The following GYPC variants were observed in gnomAD, a reference collection of about 807,000 sequenced individuals.
The protein encoded by GYPC is glycophorin-C.
A neutral mutation model predicts 12.6 loss-of-function variants in GYPC; 14 were observed. The observed-to-expected ratio is 1.11, with a 90% CI of 0.74 to 1.74. GYPC has a LOEUF of 1.74. GYPC is among the 40% of genes most tolerant of loss of function. The probability of loss-of-function intolerance (pLI) is 0.00; values close to 1 mark genes in which losing one functional copy is unlikely to be tolerated. For missense variants in GYPC, 225 were observed against 172.1 expected (o/e 1.31, Z -1.72); for synonymous variants, 78 against 62.1 (o/e 1.26, Z -1.20).
chr2:126,663,238 T>A (rs576129062), intron 1 of GYPC, among the ~76,000 whole-genome samples: 18 of 152,234 alleles, frequency 1.2e-4, no homozygotes, highest in Admixed American at 3.3e-4. Context: ...TGGTTTCACC[T>A]TGTTGGCCAG....
chr2:126,673,360 C>T (rs1682904633), intron 1 of GYPC, among the ~76,000 whole-genome samples: 1 of 152,172 alleles, frequency 6.6e-6, no homozygotes, highest in African/African-American at 2.4e-5. Flanking sequence ...TTTCTTATCC[C>T]TCTGTCCTCA....
At position 126,656,209 on chromosome 2, in the gene GYPC, G is replaced by T. The variant is rs768360363; in HGVS notation, c.-55G>T. 50 of 1,557,266 alleles carry T rather than the reference G, an allele frequency of 3.2e-5. No individual in the cohort carries two copies. Among genetic ancestry groups the T allele is most frequent in the Non-Finnish European group, 4.2e-5 (49 of 1,154,584 alleles). On this transcript the variant is annotated 5_prime_UTR_variant, in exon 1 of 4. Transcript: ENST00000259254. ...CGGGAGCGCGACCCTCCCCCGGCCC[G>T]GCCTGGCCCGGCCTGGCCAGTCCCC...
intron 1 of GYPC, chr2:126,658,106 A>G (rs1156918553): frequency 1.3e-5 from 2 of 152,342 alleles, no homozygotes; most frequent in East Asian, 1.9e-4. Context: ...TTGCCCTTGG[A>G]TGGAAGGGGT....
At chr2:126,673,050 G>A (rs190242058) in intron 1 of GYPC, among the ~76,000 whole-genome samples, 2 of 152,056 alleles carry the variant, frequency 1.3e-5, no homozygotes, top group Admixed American at 1.3e-4. Context: ...CTAATACCCA[G>A]AAGGGTATTG....
intron 1 of GYPC, among the ~76,000 whole-genome samples, chr2:126,674,928 C>A (rs973113745): frequency 3.9e-5 from 6 of 152,250 alleles, no homozygotes; most frequent in Admixed American, 1.3e-4. Flanking sequence ...ATATTTGGGA[C>A]ATACTTGTAT....
At chr2:126,671,228 C>T (rs1042648368) in intron 1 of GYPC, among the ~76,000 whole-genome samples, 10 of 152,206 alleles carry the variant, frequency 6.6e-5, no homozygotes, top group African/African-American at 2.4e-4. Flanking sequence ...CTCTCTCCTG[C>T]CCTCCTCCTA....
chr2:126,686,578 C>T, intron 1 of GYPC: 4 of 981,072 alleles, frequency 4.1e-6, no homozygotes, highest in Non-Finnish European at 4.8e-6. Context: ...CAGTGCCAGG[C>T]ACCCAGTCTA....
intron 1 of GYPC, among the ~76,000 whole-genome samples, chr2:126,662,883 C>T (rs1243738402): frequency 6.6e-6 from 1 of 152,148 alleles, no homozygotes; most frequent in Non-Finnish European, 1.5e-5. Flanking sequence ...CTCCCCACTG[C>T]CCTGCTCCCT....
rs1300495257 is a variant in GYPC at position 126,666,981 on chromosome 2, G to GCCAAAAA, written c.49+10669_49+10670insCCAAAAA. Among the ~76,000 whole-genome samples, 4 of 152,190 alleles carry GCCAAAAA rather than the reference G, an allele frequency of 2.6e-5. No homozygotes were observed. In the East Asian group the frequency reaches 7.7e-4, roughly 29 times the overall value. On this transcript the variant is annotated intron_variant, in intron 1 of 3. Transcript: ENST00000259254. Reference sequence around the variant, plus strand: ...CCTACAACATCTTTTGGCCTTGGGTGTTAGGTGCCACATGCTTTTGAAACT... The same window carrying GCCAAAAA: ...CCTACAACATCTTTTGGCCTTGGGTGCCAAAAATTAGGTGCCACATGCTTTTGAAACT...
chr2:126,695,841 G>A, intron 3 of GYPC, 105 bp from the exon 4 acceptor site: 1 of 844,196 alleles, frequency 1.2e-6, no homozygotes, highest in African/African-American at 1.7e-5. Flanking sequence ...TCTTTTGGTT[G>A]TGGCATTGTA....
intron 1 of GYPC, among the ~76,000 whole-genome samples, chr2:126,660,087 T>G (rs972495280): frequency 3.3e-5 from 5 of 152,232 alleles, no homozygotes; most frequent in Middle Eastern, 3.2e-3. Flanking sequence ...CACAGGCAAC[T>G]GAGGCCAACC....
At chr2:126,684,380 C>T (rs1046449405) in intron 1 of GYPC, among the ~76,000 whole-genome samples, 1 of 152,086 alleles carries the variant, frequency 6.6e-6, no homozygotes, top group African/African-American at 2.4e-5. Flanking sequence ...GTCCCTGGAG[C>T]CCATGGTGAT....
In GYPC at chr2:126,678,049, T is replaced by G. The variant is rs533944716; in HGVS notation, c.50-12206T>G. On this transcript the variant is annotated intron_variant, in intron 1 of 3. Coordinates refer to ENST00000259254, the MANE Select transcript of GYPC (RefSeq NM_002101.5). The stretch of plus-strand genomic sequence containing the variant: ...ATCCTGGCTAACACGGTGAAACCCC[T>G]TCTCTACTAAAAATACAAGAAAATT... Among the ~76,000 whole-genome samples the G allele has an allele frequency of 3.0e-4, 45 of 152,090 alleles. 1 individual carries two copies. The East Asian group carries it at 6.4e-3, about 22-fold the overall frequency.
rs377649195 is a variant in GYPC, at chr2:126,695,927, C to A, written c.191-19C>A. The stretch of plus-strand genomic sequence containing the variant: ...AGCCCCTGCCTCAGACTGACCCTTG[C>A]ACCTCTTCCCACCTGCAGGTGTGAT... On this transcript the variant is annotated intron_variant, in intron 3 of 3. Transcript: ENST00000259254. 2.4e-4 allele frequency: 382 copies of A among 1,610,094 alleles called. 1 individual carries two copies. The highest frequency in any genetic ancestry group is 2.9e-4 in the Non-Finnish European group (340 of 1,176,814).
chr2:126,666,089 C>T (rs1211864216), intron 1 of GYPC, among the ~76,000 whole-genome samples: 1 of 152,218 alleles, frequency 6.6e-6, no homozygotes, highest in Non-Finnish European at 1.5e-5. Flanking sequence ...GTTCCCTCTG[C>T]CGTCCTCCGC....
chr2:126,692,904 A>T (rs1385203910), intron 2 of GYPC, among the ~76,000 whole-genome samples: 3 of 152,186 alleles, frequency 2.0e-5, no homozygotes, highest in Admixed American at 6.5e-5. Flanking sequence ...GAGCTGTGTG[A>T]TCAAGGGCAC....
At chr2:126,675,969 G>A (rs1166326361) in intron 1 of GYPC, among the ~76,000 whole-genome samples, 2 of 152,164 alleles carry the variant, frequency 1.3e-5, no homozygotes, top group African/African-American at 4.8e-5. Flanking sequence ...TAATGCATTT[G>A]TTTCATTATG....
At chr2:126,663,853 G>A (rs1362631619) in intron 1 of GYPC, among the ~76,000 whole-genome samples, 2 of 152,064 alleles carry the variant, frequency 1.3e-5, no homozygotes, top group Admixed American at 6.5e-5. Flanking sequence ...GCCCTCATGC[G>A]CTCTACCTTT....
intron 1 of GYPC, among the ~76,000 whole-genome samples, chr2:126,668,774 C>T (rs1000935264): frequency 1.3e-5 from 2 of 152,210 alleles, no homozygotes; most frequent in Non-Finnish European, 2.9e-5. Flanking sequence ...TTCTCCCCTG[C>T]CGTCAGTCCT....
Sources: allele counts gnomAD v4.1 joint callset (sites outside exome capture counted in the v4.1 genomes callset), GRCh38; gene constraint gnomAD v4.1.1; transcripts MANE v1.5; gene names NCBI Gene and HGNC (gene_info 2026-07-23, HGNC 2026-07-21).